The following C6 variants were observed in gnomAD, a reference collection of about 807,000 sequenced individuals.
C6 encodes the protein complement component C6.
A neutral mutation model predicts 112.9 loss-of-function variants in C6; 101 were observed. The observed-to-expected ratio is 0.89, with a 90% CI of 0.76 to 1.06. The LOEUF (loss-of-function observed/expected upper bound fraction) is 1.06. C6 is among the 50% of genes least tolerant of loss of function. The pLI, the probability that C6 is intolerant of heterozygous loss-of-function variation, is 0.00. For missense variants in C6, 1,202 were observed against 1,104.6 expected (o/e 1.09, Z -1.25); for synonymous variants, 431 against 384.1 (o/e 1.12, Z -1.43).
chr5:41,239,117 T>TC (rs1580244167), intron 1 of C6, among the ~76,000 whole-genome samples: 1 of 147,548 alleles, frequency 6.8e-6, no homozygotes, highest in South Asian at 2.1e-4. Flanking sequence ...CTTTCTTTTT[T>TC]TTTTTTTTTT....
intron 17 of C6, among the ~76,000 whole-genome samples, chr5:41,147,390 G>T (rs1323110401): frequency 6.6e-6 from 1 of 152,150 alleles, no homozygotes; most frequent in East Asian, 1.9e-4. Flanking sequence ...GAAAACCCCA[G>T]ATACTGGCAT....
chr5:41,164,884 C>T (rs917357174), intron 9 of C6, among the ~76,000 whole-genome samples: 13 of 152,042 alleles, frequency 8.6e-5, no homozygotes, highest in Non-Finnish European at 1.9e-4. Flanking sequence ...AATCATTAAG[C>T]ATACAGCTCA....
intron 15 of C6, among the ~76,000 whole-genome samples, chr5:41,152,047 G>T (rs1746452145): frequency 6.6e-6 from 1 of 151,858 alleles, no homozygotes; most frequent in African/African-American, 2.4e-5. Flanking sequence ...GAAGAAGGTG[G>T]AGGAGAGGAG....
At chr5:41,211,531 G>A (rs577560211) in intron 1 of C6, among the ~76,000 whole-genome samples, 14 of 151,858 alleles carry the variant, frequency 9.2e-5, no homozygotes, top group Non-Finnish European at 1.6e-4. Context: ...AATTTAAGTC[G>A]TGATCAGACA....
At chr5:41,144,829 C>T (rs1745667353) in intron 17 of C6, among the ~76,000 whole-genome samples, 1 of 152,034 alleles carries the variant, frequency 6.6e-6, no homozygotes, top group African/African-American at 2.4e-5. Flanking sequence ...AGTAAGAACA[C>T]GTGGTATTTG....
intron 1 of C6, among the ~76,000 whole-genome samples, chr5:41,226,252 A>G (rs183362997): frequency 6.6e-6 from 1 of 152,332 alleles, no homozygotes; most frequent in Non-Finnish European, 1.5e-5. Flanking sequence ...AAACAAATTT[A>G]CAAGACAAAA....
At chr5:41,149,150 A>T in intron 17 of C6, 91 bp downstream of exon 17, 1 of 1,461,146 alleles carries the variant, frequency 6.8e-7, no homozygotes. Context: ...ATTATTTTTG[A>T]TTAAGGATAG....
upstream of C6, among the ~76,000 whole-genome samples, chr5:41,216,440 C>T (rs1480720368): frequency 2.6e-5 from 4 of 152,032 alleles, no homozygotes; most frequent in Non-Finnish European, 5.9e-5. Flanking sequence ...ATCCTCACCC[C>T]TTTTCTTTCA....
intron 1 of C6, among the ~76,000 whole-genome samples, chr5:41,238,347 A>ATG (rs1213222351): frequency 1.3e-5 from 2 of 151,058 alleles, no homozygotes; most frequent in East Asian, 2.0e-4. Flanking sequence ...GGCTACAGTA[A>ATG]CCAAAACAGC....
intron 17 of C6, 108 bp from the exon 18 acceptor site, chr5:41,143,114 T>C (rs945825445): frequency 3.3e-5 from 33 of 985,720 alleles, no homozygotes; most frequent in Non-Finnish European, 4.6e-5. Flanking sequence ...TTAAATTAAG[T>C]TTGGTCTAAA....
chr5:41,163,609 C>A (rs1363517133), intron 9 of C6, among the ~76,000 whole-genome samples: 1 of 152,250 alleles, frequency 6.6e-6, no homozygotes, highest in Non-Finnish European at 1.5e-5. Context: ...CTGCGCCCAG[C>A]CTGAACTTTG....
At chr5:41,199,458 C>T (rs1750845755) in intron 4 of C6, among the ~76,000 whole-genome samples, 1 of 152,068 alleles carries the variant, frequency 6.6e-6, no homozygotes, top group South Asian at 2.1e-4. Flanking sequence ...AGTCATCTTC[C>T]AACATGATAT....
chr5:41,236,298 C>G (rs1236664099), intron 1 of C6, among the ~76,000 whole-genome samples: 1 of 133,186 alleles, frequency 7.5e-6, no homozygotes, highest in African/African-American at 2.9e-5. Context: ...CTACATATGG[C>G]TAGCCAGTTT....
intron 1 of C6, among the ~76,000 whole-genome samples, chr5:41,248,804 C>A (rs1329675245): frequency 1.3e-5 from 2 of 152,152 alleles, no homozygotes; most frequent in African/African-American, 4.8e-5. Context: ...CATTACCCAG[C>A]AATCCCATTA....
Position 41,149,469 on chromosome 5 carries a change from C to G in C6, c.2395G>C (p.Asp799His). 1 of 1,613,220 alleles carries G rather than the reference C, an allele frequency of 6.2e-7. No homozygotes were observed. Among genetic ancestry groups the G allele is most frequent in the Non-Finnish European group, 8.5e-7 (1 of 1,179,946 alleles). ...PEEDCSHHSE[D>H]LCVFDTDSND... ...GAGTCTGTGTCAAACACACAGAGAT[C>G]TTCTGAATGATGGCTGCCCAAGAGA... Residue 799 changes from aspartate to histidine, a missense_variant, in exon 17 of 18, where the codon GAT becomes CAT. Asp to His is a moderately conservative substitution (Grantham distance 81). Transcript: ENST00000337836.
intron 1 of C6, among the ~76,000 whole-genome samples, chr5:41,218,900 C>T (rs1738993945): frequency 6.6e-6 from 1 of 152,210 alleles, no homozygotes; most frequent in Admixed American, 6.6e-5. Context: ...TGAAACTCAG[C>T]TGCACTTCCT....
Position 41,260,129 on chromosome 5 carries a change from T to A in C6, c.-21+1065A>T, listed in dbSNP as rs1001138443. On this transcript the variant is annotated intron_variant, in intron 1 of 17. Transcript: ENST00000263413. ...GCTTCCTATAGTTTAATTTTTTTCC[T>A]CAAAAGTAATTCAGATGAATATTTT... Among the ~76,000 whole-genome samples, 14 of 152,186 alleles carry A rather than the reference T, an allele frequency of 9.2e-5. No homozygotes were observed. The East Asian group carries it at 2.7e-3, about 29-fold the overall frequency.
intron 16 of C6, 33 bp downstream of exon 16, chr5:41,149,902 A>G (rs753907983): frequency 6.7e-6 from 10 of 1,481,734 alleles, no homozygotes; most frequent in Non-Finnish European, 9.4e-6. Flanking sequence ...GGTTTTCCCA[A>G]TTTCCAGACA....
chr5:41,257,740 C>G (rs1314763111), intron 1 of C6, among the ~76,000 whole-genome samples: 4 of 152,156 alleles, frequency 2.6e-5, no homozygotes, highest in African/African-American at 9.7e-5. Flanking sequence ...TGTTAACAGT[C>G]TATTCTCCCA....
Sources: gnomAD v4.1 joint callset for allele counts (sites outside exome capture counted in the v4.1 genomes callset) on GRCh38, gnomAD v4.1.1 for gene constraint, MANE v1.5 for transcripts, NCBI Gene and HGNC (gene_info 2026-07-23, HGNC 2026-07-21) for gene names.